SFXN1: variants seen among roughly 807,000 people sequenced by gnomAD.
The protein encoded by SFXN1 is sideroflexin-1.
A neutral mutation model predicts 39.5 loss-of-function variants in SFXN1; 32 were observed. That is an observed-to-expected ratio of 0.81 (90% CI 0.61 to 1.09). SFXN1 has a LOEUF of 1.09. Among genes scored for constraint, SFXN1 ranks in the 50% least tolerant of loss-of-function variants. SFXN1 has a pLI of 0.00. For synonymous variants in SFXN1, 136 were observed against 146.5 expected (o/e 0.93, Z 0.52); for missense variants, 402 against 407.1 (o/e 0.99, Z 0.11).
chr5:175,512,780 T>C lies in SFXN1; in HGVS notation c.596+584T>C, dbSNP rs141561136. ...GTAGGGCCATGTGCGAGTGACTGTT[T>C]CCATGTCAGCATATTAAGTTTGTTG... On this transcript the variant is annotated intron_variant, in intron 6 of 10. Transcript: ENST00000321442. Among the ~76,000 whole-genome samples, 524 of 152,334 alleles carry C rather than the reference T, an allele frequency of 3.4e-3. 3 individuals carry two copies. The highest frequency in any genetic ancestry group is 0.012 in the African/African-American group (504 of 41,574).
intron 2 of SFXN1, among the ~76,000 whole-genome samples, chr5:175,497,549 G>A (rs373701110): frequency 6.6e-5 from 10 of 152,114 alleles, no homozygotes; most frequent in African/African-American, 1.2e-4. Flanking sequence ...AGTGAATGCC[G>A]AACAGACAGT....
At chr5:175,496,030 A>G (rs904423184) in intron 2 of SFXN1, among the ~76,000 whole-genome samples, 22 of 149,218 alleles carry the variant, frequency 1.5e-4, no homozygotes, top group African/African-American at 3.9e-4. Flanking sequence ...CCTCCCGAGT[A>G]GCTGGGATTA....
Position 175,492,128 on chromosome 5 carries a change from A to T in SFXN1, c.25A>T (p.Ile9Phe), listed in dbSNP as rs140479369. The change falls in exon 2 of 11, where the codon ATT (isoleucine) becomes TTT (phenylalanine). Residue 9 changes from isoleucine to phenylalanine, a missense_variant. Transcript: ENST00000321442. ...CATGTCTGGAGAACTACCACCAAAC[A>T]TTAACATCAAGGAACCTCGATGGGA... MSGELPPN[I>F]NIKEPRWDQS... The T allele has an allele frequency of 4.3e-6, 7 of 1,613,784 alleles. No homozygotes were observed. Among genetic ancestry groups the T allele is most frequent in the Non-Finnish European group, 5.9e-6 (7 of 1,179,940 alleles).
intron 2 of SFXN1, among the ~76,000 whole-genome samples, chr5:175,504,887 C>T (rs1760228684): frequency 6.6e-6 from 1 of 151,884 alleles, no homozygotes; most frequent in African/African-American, 2.4e-5. Flanking sequence ...CGCCACCACG[C>T]CCAGCTGATT....
At chr5:175,500,874 A>G (rs1298706232) in intron 2 of SFXN1, among the ~76,000 whole-genome samples, 1 of 152,186 alleles carries the variant, frequency 6.6e-6, no homozygotes, top group Non-Finnish European at 1.5e-5. Flanking sequence ...CAATGAGGAA[A>G]GGATACTCTG....
At chr5:175,503,422 A>AG (rs1222673821) in intron 2 of SFXN1, among the ~76,000 whole-genome samples, 1 of 152,252 alleles carries the variant, frequency 6.6e-6, no homozygotes, top group African/African-American at 2.4e-5. Context: ...ACCTTGTGTT[A>AG]AAACATGAAC....
intron 1 of SFXN1, among the ~76,000 whole-genome samples, chr5:175,489,512 C>A (rs1759579315): frequency 6.6e-6 from 1 of 152,178 alleles, no homozygotes; most frequent in Non-Finnish European, 1.5e-5. Flanking sequence ...CTGTAATATA[C>A]TTGATATATT....
chr5:175,523,797 CTT>C (rs1760950807), intron 10 of SFXN1: 2 of 152,126 alleles, frequency 1.3e-5, no homozygotes, highest in African/African-American at 4.8e-5. Flanking sequence ...AACCAATCCT[CTT>C]TTGTTTTACT....
intron 1 of SFXN1, among the ~76,000 whole-genome samples, chr5:175,486,885 A>T (rs972439908): frequency 6.6e-6 from 1 of 152,250 alleles, no homozygotes; most frequent in African/African-American, 2.4e-5. Flanking sequence ...ATAGTTTGTT[A>T]TTAGGAACTA....
At chr5:175,485,944 G>GAA (rs1483915879) in intron 1 of SFXN1, among the ~76,000 whole-genome samples, 2 of 152,200 alleles carry the variant, frequency 1.3e-5, no homozygotes, top group Non-Finnish European at 2.9e-5. Flanking sequence ...AAATGAGGTA[G>GAA]AATATTCTCT....
chr5:175,523,619 C>T (rs899636507), intron 10 of SFXN1: 2 of 152,116 alleles, frequency 1.3e-5, no homozygotes, highest in African/African-American at 4.8e-5. Context: ...CATAGAGAAA[C>T]TTTCTACTTT....
At chr5:175,507,705 G>T (rs1162142326) in intron 2 of SFXN1, among the ~76,000 whole-genome samples, 32 of 152,168 alleles carry the variant, frequency 2.1e-4, no homozygotes, top group Non-Finnish European at 4.4e-5. Context: ...GGGCATGGTG[G>T]CCCACGCCTG....
chr5:175,509,448 T>C (rs1760435140), intron 3 of SFXN1: 2 of 280,112 alleles, frequency 7.1e-6, no homozygotes, highest in African/African-American at 4.4e-5. Context: ...TGGGGTATTA[T>C]TGATGTAAAA....
chr5:175,512,155 A>G lies in SFXN1; in HGVS notation c.555A>G (p.Val185=). ...LIGRFVPFAA[V]AAANCINIPL... ...GACGTTTTGTTCCCTTTGCTGCCGT[A>G]GCTGCTGCTAATTGCATTAATATTC... is the stretch of plus-strand genomic sequence containing the variant. Residue 185 remains valine, a synonymous_variant, in exon 6 of 11, where the codon GTA becomes GTG. Coordinates refer to ENST00000321442, the MANE Select transcript of SFXN1 (RefSeq NM_022754.7). 3 of 1,614,228 alleles carry G rather than the reference A, an allele frequency of 1.9e-6. No individual in the cohort carries two copies. The highest frequency in any genetic ancestry group is 2.5e-6 in the Non-Finnish European group (3 of 1,180,050).
intron 10 of SFXN1, chr5:175,524,133 T>A (rs1263454680): frequency 3.5e-3 from 61 of 17,248 alleles, no homozygotes; most frequent in African/African-American, 0.022. Context: ...AAAATATATA[T>A]ATATATATAT....
At chr5:175,522,596 A>G (rs1760916456) in intron 10 of SFXN1, 174 bp downstream of exon 10, 5 of 529,852 alleles carry the variant, frequency 9.4e-6, no homozygotes, top group Non-Finnish European at 1.7e-5. Flanking sequence ...ACATCTGTCT[A>G]ATTTCAGATG....
Position 175,480,198 on chromosome 5 carries a change from A to G in SFXN1, c.-10+1559A>G, listed in dbSNP as rs556262764. On this transcript the variant is annotated intron_variant, in intron 1 of 10. Coordinates refer to ENST00000321442, the MANE Select transcript of SFXN1 (RefSeq NM_022754.7). ...GGGCGGATCACGAGGTCAGGAGATC[A>G]AGACCATCCTGGCTAAGCCGGTGAA... Among the ~76,000 whole-genome samples the G allele has an allele frequency of 6.8e-4, 103 of 152,242 alleles. No individual in the cohort carries two copies. The Middle Eastern group carries it at 0.01, about 15-fold the overall frequency.
intron 1 of SFXN1, among the ~76,000 whole-genome samples, chr5:175,490,029 C>T (rs1399716606): frequency 6.6e-6 from 1 of 152,192 alleles, no homozygotes; most frequent in African/African-American, 2.4e-5. Context: ...TACCACATCC[C>T]TGTTTCCTTG....
Position 175,511,463 on chromosome 5 carries a change from A to AGC in SFXN1, c.448_449dup (p.Tyr151LeufsTer10). ...TTTTTCTTTTCAGTGAGTTGGGAAC[A>AGC]GCTTACGTTTCTGCAACAACTGGTG... On this transcript the variant is annotated frameshift_variant, in exon 5 of 11. Transcript: ENST00000321442. LOFTEE classifies it high-confidence loss of function. The AGC allele has an allele frequency of 6.2e-7, 1 of 1,614,110 alleles. No homozygotes were observed. The highest frequency in any genetic ancestry group is 2.2e-5 in the East Asian group (1 of 44,888).
Sources: allele counts gnomAD v4.1 joint callset (sites outside exome capture counted in the v4.1 genomes callset), GRCh38; gene constraint gnomAD v4.1.1; transcripts MANE v1.5; gene names NCBI Gene and HGNC (gene_info 2026-07-23, HGNC 2026-07-21).